The following PSG7 variants were observed in gnomAD, a reference collection of about 807,000 sequenced individuals.
The protein encoded by PSG7 is pregnancy specific beta-1-glycoprotein 7, also known as pregnancy-specific beta-1-glycoprotein 7.
Under a neutral mutation model 45.6 loss-of-function variants are expected in PSG7, and 57 were observed. That is an observed-to-expected ratio of 1.25 (90% CI 1.01 to 1.56). PSG7 has a LOEUF of 1.56. Ranked by LOEUF, PSG7 falls within the 40% of genes most tolerant of loss-of-function variation. PSG7 has a pLI of 0.00. For missense variants in PSG7, 796 were observed against 508.4 expected, an observed-to-expected ratio of 1.57 and a Z score of -5.44; for synonymous variants, 298 against 194.4, an observed-to-expected ratio of 1.53 and a Z score of -4.43.
intron 3 of PSG7, 27 bp downstream of exon 3, chr19:42,929,415 G>C: frequency 6.2e-7 from 1 of 1,612,072 alleles, no homozygotes; most frequent in Non-Finnish European, 8.5e-7. Flanking sequence ...TGGCAGCCTG[G>C]CTAACAGAGG....
chr19:42,935,280 A>T, intron 2 of PSG7, 124 bp downstream of exon 2: 1 of 1,509,134 alleles, frequency 6.6e-7, no homozygotes, highest in East Asian at 2.4e-5. Flanking sequence ...TAAATGCCCA[A>T]ACCCCAGCAT....
intron 2 of PSG7, among the ~76,000 whole-genome samples, chr19:42,932,668 A>G (rs1453088732): frequency 6.6e-6 from 1 of 151,566 alleles, no homozygotes; most frequent in African/African-American, 2.4e-5. Context: ...AGGCCAGGCT[A>G]TCCTTGGGAA....
At chr19:42,934,566 T>G (rs1350872863) in intron 2 of PSG7, among the ~76,000 whole-genome samples, 1 of 151,666 alleles carries the variant, frequency 6.6e-6, no homozygotes, top group Non-Finnish European at 1.5e-5. Flanking sequence ...AATGTTAAAT[T>G]ATTCACAGTC....
rs372691151 is a variant in PSG7 at position 42,937,190 on chromosome 19, C to G, written c.-114G>C. On this transcript the variant is annotated 5_prime_UTR_variant, in exon 1 of 6. Coordinates refer to ENST00000406070, the MANE Select transcript of PSG7 (RefSeq NM_002783.3). ...CCTCCTTCTGCACTGAGCCTCTTCC[C>G]GGGGCAGGAGCACTTCTCAAGCTCA... is the stretch of plus-strand genomic sequence containing the variant. The G allele has an allele frequency of 1.4e-6, 2 of 1,447,380 alleles. No homozygotes were observed. The highest frequency in any genetic ancestry group is 1.9e-6 in the Non-Finnish European group (2 of 1,066,466). The allele number at this position is 1,447,380 out of a possible 1,614,324, so 89.7% of individuals were successfully genotyped here.
rs374020334 is a variant in PSG7 at position 42,925,731 on chromosome 19, G to C, written c.1243+42C>G. On this transcript the variant is annotated intron_variant, in intron 5 of 5. Transcript: ENST00000406070. ...CTTTTCTCTGAAAGTCAGATAGACT[G>C]CACCTAAAACCCTATTGCCAAGGAT... The C allele has an allele frequency of 5.0e-5, 81 of 1,610,618 alleles. 4 individuals carry two copies. Among genetic ancestry groups the C allele is most frequent in the African/African-American group, 6.7e-5 (5 of 74,550 alleles).
In PSG7 at chr19:42,937,200, G is replaced by A. The variant is rs1273063264; in HGVS notation, c.-124C>T. The A allele has an allele frequency of 1.4e-6, 2 of 1,406,490 alleles. No individual in the cohort carries two copies. The highest frequency in any genetic ancestry group is 2.4e-5 in the East Asian group (1 of 41,726). The allele number at this position is 1,406,490 out of a possible 1,614,324, so 87.1% of individuals were successfully genotyped here. On this transcript the variant is annotated 5_prime_UTR_variant, in exon 1 of 6. Coordinates refer to ENST00000406070, the MANE Select transcript of PSG7 (RefSeq NM_002783.3). Reference sequence around the variant, plus strand: ...CACTGAGCCTCTTCCCGGGGCAGGAGCACTTCTCAAGCTCATGGGTGGGGT... The same window carrying A: ...CACTGAGCCTCTTCCCGGGGCAGGAACACTTCTCAAGCTCATGGGTGGGGT...
At chr19:42,931,836 A>G (rs145909702) in intron 2 of PSG7, among the ~76,000 whole-genome samples, 20,279 of 151,404 alleles carry the variant, frequency 0.13, 1,819 homozygotes, top group Admixed American at 0.18. Flanking sequence ...AAATTTAAAA[A>G]TTGCTATTGT....
chr19:42,934,037 T>C (rs1973093352), intron 2 of PSG7, among the ~76,000 whole-genome samples: 1 of 151,466 alleles, frequency 6.6e-6, no homozygotes, highest in Non-Finnish European at 1.5e-5. Flanking sequence ...TTATTTGTTA[T>C]GTGAGAGCTC....
At position 42,926,065 on chromosome 19, in the gene PSG7, C is replaced by A. The variant is rs369139496; in HGVS notation, c.989-38G>T. ...GAATAAAGCCACAGGTGATGTTATC[C>A]GAGGGAAGGGGATGCTCCTGGTCTC... On this transcript the variant is annotated intron_variant, in intron 4 of 5. Transcript: ENST00000406070. The A allele has an allele frequency of 9.2e-5, 147 of 1,603,000 alleles. 1 individual carries two copies. Among genetic ancestry groups the A allele is most frequent in the Non-Finnish European group, 1.2e-4 (135 of 1,173,704 alleles).
rs1041616392 is a variant in PSG7 at position 42,926,896 on chromosome 19, C to T, written c.710-180G>A. 11 of 1,192,478 alleles carry T rather than the reference C, an allele frequency of 9.2e-6. 1 individual carries two copies. The highest frequency in any genetic ancestry group is 9.2e-5 in the African/African-American group (6 of 65,156). The allele number at this position is 1,192,478 out of a possible 1,614,324, so 73.9% of individuals were successfully genotyped here. On this transcript the variant is annotated intron_variant, in intron 3 of 5. Coordinates refer to ENST00000406070, the MANE Select transcript of PSG7 (RefSeq NM_002783.3). ...ATCTAAGGGCTCAAAGACTGTGAGG[C>T]CACCTGCTCAGTCTTAGGGAAGCAT...
In PSG7 at chr19:42,926,625, C is replaced by G. The variant is rs148409438; in HGVS notation, c.801G>C (p.Glu267Asp). Residue 267 changes from glutamate (E) to aspartate (D), a missense_variant, in exon 4 of 6, where the codon GAG (glutamate) becomes GAC (aspartate). By Grantham distance (45) the Glu-to-Asp change is conservative. Coordinates refer to ENST00000406070, the MANE Select transcript of PSG7 (RefSeq NM_002783.3). The part of the protein sequence containing the change: ...VSTFTCEPKS[E>D]NYTYIWWLNG... ...TTAGCCACCAAATGTAGGTGTAGTT[C>G]TCACTCTTAGGTTCACAGGTGAAGG... 6.2e-7 allele frequency: 1 copy of G among 1,610,234 alleles called. No individual in the cohort carries two copies. The highest frequency in any genetic ancestry group is 2.2e-5 in the East Asian group (1 of 44,802).
At chr19:42,933,301 A>ATTTT (rs1439847468) in intron 2 of PSG7, among the ~76,000 whole-genome samples, 3 of 14,658 alleles carry the variant, frequency 2.0e-4, no homozygotes, top group African/African-American at 3.6e-4. Context: ...ATATATATAT[A>ATTTT]TATATATTTT....
chr19:42,935,907 C>G (rs761615663), intron 1 of PSG7, 138 bp from the exon 2 acceptor site: 1 of 1,056,226 alleles, frequency 9.5e-7, no homozygotes, highest in Non-Finnish European at 1.3e-6. Context: ...CACACACACA[C>G]ACACACAAAC....
At position 42,937,057 on chromosome 19, in the gene PSG7, G is replaced by T. The variant is rs150067430; in HGVS notation, c.20C>A (p.Pro7His). The stretch of plus-strand genomic sequence containing the variant: ...CCAGGTTATATGCTGTGTGCAGGGA[G>T]GGGCTGAGAGGGGCCCCATGGTCTC... The part of the protein sequence containing the change: MGPLSA[P>H]PCTQHITWKG... Residue 7 changes from proline to histidine, a missense_variant, in exon 1 of 6, where the codon CCT becomes CAT. By Grantham distance (77) the Pro-to-His change is moderately conservative (BLOSUM62 -2). Coordinates refer to ENST00000406070, the MANE Select transcript of PSG7 (RefSeq NM_002783.3). 515 of 1,611,442 alleles carry T rather than the reference G, an allele frequency of 3.2e-4. 14 individuals are homozygous for T. The highest frequency in any genetic ancestry group is 1.3e-5 in the Non-Finnish European group (15 of 1,178,488).
rs556132307 is a variant in PSG7, at chr19:42,929,822, A to G, written c.431-102T>C. The G allele has an allele frequency of 1.1e-4, 163 of 1,465,162 alleles. 2 individuals carry two copies. The highest frequency in any genetic ancestry group is 8.4e-4 in the South Asian group (63 of 74,928). The allele number at this position is 1,465,162 out of a possible 1,614,324, so 90.8% of individuals were successfully genotyped here. On this transcript the variant is annotated intron_variant, in intron 2 of 5. Coordinates refer to ENST00000406070, the MANE Select transcript of PSG7 (RefSeq NM_002783.3). ...GCATTTCCAACCTCTCAGCCCACCC[A>G]AGTCCTTAAAAGCCCATGGCAGGTG...
chr19:42,926,876 A>C, intron 3 of PSG7, 160 bp from the exon 4 acceptor site: 1 of 1,357,856 alleles, frequency 7.4e-7, no homozygotes, highest in Middle Eastern at 2.7e-4. Context: ...TGATGATCTA[A>C]GGGCTCAAAG....
rs1412504168 is a variant in PSG7, at chr19:42,935,816, G to C, written c.65-47C>G. Reference sequence around the variant, plus strand: ...AGTCAATATTGAGACCTATGTGTTGGGTTGAAAAGATGGGCCCCTGGGTCC... The same window carrying C: ...AGTCAATATTGAGACCTATGTGTTGCGTTGAAAAGATGGGCCCCTGGGTCC... On this transcript the variant is annotated intron_variant, in intron 1 of 5. Transcript: ENST00000406070. The C allele has an allele frequency of 3.9e-6, 6 of 1,554,482 alleles. No individual in the cohort carries two copies. The Admixed American group carries it at 9.3e-5, about 24-fold the overall frequency.
chr19:42,924,570 A>G lies in PSG7; in HGVS notation c.*238T>C, dbSNP rs1972484943. 2 of 606,176 alleles carry G rather than the reference A, an allele frequency of 3.3e-6. No individual in the cohort carries two copies. The highest frequency in any genetic ancestry group is 5.5e-5 in the East Asian group (2 of 36,528). 37.5% of individuals were successfully genotyped at this position (606,176 alleles called of 1,614,324 possible). On this transcript the variant is annotated 3_prime_UTR_variant, in exon 6 of 6. Transcript: ENST00000406070. ...GGAGTCTTATTCTGACATCTTGGGAAAAGCTGTCCACAGTGTGAAGTCATC... is the reference window on the plus strand; with the variant it reads ...GGAGTCTTATTCTGACATCTTGGGAGAAGCTGTCCACAGTGTGAAGTCATC...
At chr19:42,931,746 G>A (rs1973024461) in intron 2 of PSG7, among the ~76,000 whole-genome samples, 2 of 151,398 alleles carry the variant, frequency 1.3e-5, no homozygotes, top group South Asian at 4.2e-4. Flanking sequence ...CACCTACCTG[G>A]CCACCTCGAT....
Sources: allele counts gnomAD v4.1 joint callset (sites outside exome capture counted in the v4.1 genomes callset), GRCh38; gene constraint gnomAD v4.1.1; transcripts MANE v1.5; gene names NCBI Gene and HGNC (gene_info 2026-07-23, HGNC 2026-07-21).